KIF14: variants seen among roughly 807,000 people sequenced by gnomAD.
KIF14 encodes the protein kinesin-like protein KIF14.
In KIF14, 98 loss-of-function variants were observed where a neutral mutation model predicts 176.2. The observed-to-expected ratio is 0.56, with a 90% CI of 0.47 to 0.66. KIF14 has a LOEUF of 0.66. Ranked by LOEUF, KIF14 falls within the 30% of genes least tolerant of loss-of-function variation. The probability of loss-of-function intolerance (pLI) is 0.00; values close to 1 mark genes in which losing one functional copy is unlikely to be tolerated. For missense variants in KIF14, 1,751 were observed against 1,920.4 expected, an observed-to-expected ratio of 0.91 and a Z score of 1.65; for synonymous variants, 566 against 632.2, an observed-to-expected ratio of 0.90 and a Z score of 1.57.
chr1:200,555,829 C>T (rs1036033612), intron 27 of KIF14, among the ~76,000 whole-genome samples: 1 of 152,096 alleles, frequency 6.6e-6, no homozygotes, highest in Admixed American at 6.5e-5. Context: ...AATAATCAGT[C>T]TAATTCACCT....
intron 24 of KIF14, 36 bp downstream of exon 24, chr1:200,565,409 T>C (rs1398624889): frequency 2.0e-6 from 3 of 1,503,714 alleles, no homozygotes; most frequent in Non-Finnish European, 2.7e-6. Context: ...AAAATAATCA[T>C]TTATGTGAGT....
chr1:200,564,812 CAG>C (rs1305491466), intron 25 of KIF14, among the ~76,000 whole-genome samples: 4 of 152,186 alleles, frequency 2.6e-5, no homozygotes, highest in African/African-American at 9.7e-5. Flanking sequence ...GTGATAACAA[CAG>C]TGCCCACTGC....
chr1:200,585,239 CAAAAA>C (rs759023980), intron 19 of KIF14, among the ~76,000 whole-genome samples: 1 of 91,288 alleles, frequency 1.1e-5, no homozygotes, highest in Non-Finnish European at 2.2e-5. Flanking sequence ...GTCCTCATGA[CAAAAA>C]AAAAAAAAAG....
At chr1:200,555,220 C>T (rs1656769541) in intron 28 of KIF14, among the ~76,000 whole-genome samples, 160 bp downstream of exon 28, 1 of 151,986 alleles carries the variant, frequency 6.6e-6, no homozygotes, top group Admixed American at 6.6e-5. Flanking sequence ...TTATGACACA[C>T]ATAAAAAAGA....
In KIF14 at chr1:200,592,199, A is replaced by T. The variant is rs752550839; in HGVS notation, c.2694T>A (p.Phe898Leu). Residue 898 changes from phenylalanine to leucine, a missense_variant, in exon 16 of 30, where the codon TTT becomes TTA. Phe to Leu is a conservative substitution (Grantham distance 22). Transcript: ENST00000367350. Reference sequence around the variant, plus strand: ...CTTTCTGGACTTCTACTGGATGATTAAATCTAAAATAATGATCTCCACCAA... The same window carrying T: ...CTTTCTGGACTTCTACTGGATGATTTAATCTAAAATAATGATCTCCACCAA... The part of the protein sequence containing the change: ...VILGGDHYFR[F>L]NHPVEVQKGK... The T allele has an allele frequency of 1.2e-6, 2 of 1,613,864 alleles. No individual in the cohort carries two copies. Among genetic ancestry groups the T allele is most frequent in the Non-Finnish European group, 1.7e-6 (2 of 1,179,860 alleles).
rs902993425 is a variant in KIF14, at chr1:200,586,045, T to G, written c.3241+56A>C. On this transcript the variant is annotated intron_variant, in intron 19 of 29. Coordinates refer to ENST00000367350, the MANE Select transcript of KIF14 (RefSeq NM_014875.3). ...TAATGCTAATATTTTAGTAATTATA[T>G]TACATATAACATGCATAATTTTAGA... The G allele has an allele frequency of 2.0e-5, 24 of 1,229,574 alleles. No individual in the cohort carries two copies. The African/African-American group carries it at 3.3e-4, about 17-fold the overall frequency. The allele number at this position is 1,229,574 out of a possible 1,614,324, so 76.2% of individuals were successfully genotyped here.
chr1:200,609,016 A>C, intron 4 of KIF14, 88 bp from the exon 5 acceptor site: 2 of 611,780 alleles, frequency 3.3e-6, no homozygotes, highest in Non-Finnish European at 5.6e-6. Flanking sequence ...AAAATATATA[A>C]ATATATAAAA....
chr1:200,569,999 C>G lies in KIF14; in HGVS notation c.3573G>C (p.Arg1191Ser). 2 of 1,576,618 alleles carry G rather than the reference C, an allele frequency of 1.3e-6. No individual in the cohort carries two copies. Among genetic ancestry groups the G allele is most frequent in the Non-Finnish European group, 1.7e-6 (2 of 1,152,174 alleles). The stretch of plus-strand genomic sequence containing the variant: ...AAATTCTTCTGTTCTTCATCAAACT[C>G]CTACTCCTGAAAAAAGACAAACCAT... ...PVSSLSRRRS[R>S]SLMKNRRISG... Residue 1191 changes from arginine (R) to serine (S), a missense_variant, in exon 23 of 30, where the codon AGG becomes AGC. Physicochemically the swap from Arg to Ser is moderately radical, Grantham distance 110. Transcript: ENST00000367350.
intron 23 of KIF14, among the ~76,000 whole-genome samples, chr1:200,567,599 T>C (rs539236323): frequency 1.3e-5 from 2 of 150,780 alleles, no homozygotes; most frequent in South Asian, 2.1e-4. Context: ...CTGTGAGGGA[T>C]GGATTTTCTA....
rs200979005 is a variant in KIF14 at position 200,590,887 on chromosome 1, G to A, written c.2814-615C>T. On this transcript the variant is annotated intron_variant, in intron 16 of 29. Transcript: ENST00000367350. ...AAAAAAATTCAAAAATTAGCCAGGCGTGGTGGTGTGCGCCTATAGTCTCAC... is the reference window on the plus strand; with the variant it reads ...AAAAAAATTCAAAAATTAGCCAGGCATGGTGGTGTGCGCCTATAGTCTCAC... Among the ~76,000 whole-genome samples the A allele has an allele frequency of 8.7e-4, 133 of 152,210 alleles. 1 individual carries two copies. In the East Asian group the frequency reaches 0.018, roughly 20 times the overall value.
At chr1:200,615,650 G>C in intron 2 of KIF14, 41 bp from the exon 3 acceptor site, 4 of 1,532,280 alleles carry the variant, frequency 2.6e-6, no homozygotes, top group Non-Finnish European at 3.6e-6. Flanking sequence ...TAACTAAAAT[G>C]ATCAAGGGTA....
At chr1:200,603,999 CA>C in intron 8 of KIF14, 44 bp from the exon 9 acceptor site, 1 of 1,162,262 alleles carries the variant, frequency 8.6e-7, no homozygotes, top group Non-Finnish European at 1.3e-6. Flanking sequence ...CTATTACTTC[CA>C]ATCAATATAG....
chr1:200,612,201 C>T (rs1038878139), intron 4 of KIF14, among the ~76,000 whole-genome samples: 2 of 152,082 alleles, frequency 1.3e-5, no homozygotes, highest in African/African-American at 2.4e-5. Flanking sequence ...CAGGGATTCA[C>T]CATGTTGGCC....
chr1:200,606,998 T>C (rs745947470), intron 5 of KIF14, among the ~76,000 whole-genome samples, 200 bp from the exon 6 acceptor site: 11 of 151,432 alleles, frequency 7.3e-5, no homozygotes, highest in Non-Finnish European at 1.5e-4. Context: ...AAACTGTTCA[T>C]AGTAGCACAA....
At chr1:200,598,012 T>C (rs1659437127) in intron 14 of KIF14, among the ~76,000 whole-genome samples, 1 of 152,068 alleles carries the variant, frequency 6.6e-6, no homozygotes, top group Admixed American at 6.6e-5. Flanking sequence ...AGATCAAGTA[T>C]GCCAAAACAA....
At chr1:200,593,877 C>A in intron 14 of KIF14, 108 bp from the exon 15 acceptor site, 32 of 541,430 alleles carry the variant, frequency 5.9e-5, no homozygotes, top group East Asian at 2.1e-4. Context: ...TGTTAAGATT[C>A]ATACCAATAT....
chr1:200,611,478 T>TG (rs2102765902), intron 4 of KIF14, among the ~76,000 whole-genome samples: 1 of 152,266 alleles, frequency 6.6e-6, no homozygotes, highest in African/African-American at 2.4e-5. Flanking sequence ...AATTATAAGG[T>TG]CATTGACAAA....
At position 200,592,253 on chromosome 1, in the gene KIF14, A is replaced by C. The variant is rs769164545; in HGVS notation, c.2653-13T>G. On this transcript the variant is annotated splice_polypyrimidine_tract_variant and intron_variant, in intron 15 of 29. Transcript: ENST00000367350. ...TCACTCGATCACCCTAAAGCACACA[A>C]AAAAATGTACTACTTGAGGTGAGTC... 219 of 1,593,722 alleles carry C rather than the reference A, an allele frequency of 1.4e-4. 1 individual carries two copies. Among genetic ancestry groups the C allele is most frequent in the Non-Finnish European group, 1.5e-4 (177 of 1,173,764 alleles).
chr1:200,573,384 TA>T (rs1383353609), intron 22 of KIF14, among the ~76,000 whole-genome samples: 1 of 149,674 alleles, frequency 6.7e-6, no homozygotes, highest in Non-Finnish European at 1.5e-5. Flanking sequence ...TGCTATATTG[TA>T]GGGGGATACA....
Sources: allele counts gnomAD v4.1 joint callset (sites outside exome capture counted in the v4.1 genomes callset), GRCh38; gene constraint gnomAD v4.1.1; transcripts MANE v1.5; gene names NCBI Gene and HGNC (gene_info 2026-07-23, HGNC 2026-07-21).